Variants in LSMEM1 observed in about 807,000 individuals in gnomAD.
The protein encoded by LSMEM1 is leucine-rich single-pass membrane protein 1.
Under a neutral mutation model 11.3 loss-of-function variants are expected in LSMEM1, and 10 were observed. The observed-to-expected ratio is 0.89, with a 90% CI of 0.55 to 1.50. The LOEUF is 1.50. Ranked by LOEUF, LSMEM1 falls within the 40% of genes most tolerant of loss-of-function variation. LSMEM1 has a pLI of 0.00. For missense variants in LSMEM1, 151 were observed against 152.9 expected (o/e 0.99, Z 0.06); for synonymous variants, 65 against 59.3 (o/e 1.10, Z -0.44).
chr7:112,482,322 T>C (rs1163947358), intron 1 of LSMEM1, among the ~76,000 whole-genome samples: 1 of 152,222 alleles, frequency 6.6e-6, no homozygotes, highest in Non-Finnish European at 1.5e-5. Flanking sequence ...ACCAGTAATA[T>C]GGAGATTTTA....
Position 112,484,963 on chromosome 7 carries a change from C to T in LSMEM1, c.127+20C>T. On this transcript the variant is annotated intron_variant, in intron 2 of 3. Coordinates refer to ENST00000312849, the MANE Select transcript of LSMEM1 (RefSeq NM_182597.3). ...TGTTCCGTATGTGTGCTGGGGAAGG[C>T]ACAGCAGCCCTTCCTAGCTTCTAGG... The T allele has an allele frequency of 6.2e-7, 1 of 1,600,388 alleles. No individual in the cohort carries two copies. The highest frequency in any genetic ancestry group is 1.7e-4 in the Middle Eastern group (1 of 5,958).
At chr7:112,487,176 A>G in intron 3 of LSMEM1, 125 bp downstream of exon 3, 1 of 1,114,102 alleles carries the variant, frequency 9.0e-7, no homozygotes, top group Non-Finnish European at 1.3e-6. Flanking sequence ...TTACATTGAA[A>G]AAAGAAGGAA....
rs1796205113 is a variant in LSMEM1, at chr7:112,489,886, A to G, written c.333A>G (p.Arg111=). 1 of 1,614,020 alleles carries G rather than the reference A, an allele frequency of 6.2e-7. No homozygotes were observed. Among genetic ancestry groups the G allele is most frequent in the African/African-American group, 1.3e-5 (1 of 74,920 alleles). The change falls in exon 4 of 4, where the codon AGA becomes AGG. Residue 111 remains arginine, a synonymous_variant. Transcript: ENST00000312849. ...AEGKDIDDLK[R]INNMIVKRLN... is the part of the protein sequence containing the mutation. ...GAAAAGACATAGATGATCTTAAGAG[A>G]ATCAATAACATGATCGTAAAGCGAC...
intron 2 of LSMEM1, 23 bp from the exon 3 acceptor site, chr7:112,486,900 G>GT: frequency 6.2e-7 from 1 of 1,613,406 alleles, no homozygotes; most frequent in Non-Finnish European, 8.5e-7. Context: ...TTTTGTCCTT[G>GT]TTTTTTGTTT....
Position 112,486,981 on chromosome 7 carries a change from GT to G in LSMEM1, c.192del (p.Phe64LeufsTer5), listed in dbSNP as rs1796143186. The G allele has an allele frequency of 1.9e-6, 3 of 1,614,166 alleles. No individual in the cohort carries two copies. In the East Asian group the frequency reaches 6.7e-5, roughly 36 times the overall value. On this transcript the variant is annotated frameshift_variant, in exon 3 of 4. Transcript: ENST00000312849. LOFTEE classifies it high-confidence loss of function. The part of the protein sequence containing the change: ...TNSGNGSRSL[F>X]FVGLLIVLIV... ...ACTCAGGAAATGGAAGCCGGAGTCT[GT>G]TTTTTGTGGGGCTGCTAATTGTGCT...
rs990113511 is a variant in LSMEM1, at chr7:112,489,682, G to A, written c.257-128G>A. On this transcript the variant is annotated intron_variant, in intron 3 of 3. Transcript: ENST00000312849. ...TCTCTACTGGGCTTCTGGCATGCAT[G>A]GATATGGGAACAGGGGATTTGCCAA... 4 of 1,040,174 alleles carry A rather than the reference G, an allele frequency of 3.8e-6. No homozygotes were observed. The African/African-American group carries it at 6.5e-5, about 17-fold the overall frequency. 64.4% of individuals were successfully genotyped at this position (1,040,174 alleles called of 1,614,324 possible).
intron 1 of LSMEM1, among the ~76,000 whole-genome samples, chr7:112,482,252 A>G (rs2117358954): frequency 6.6e-6 from 1 of 152,372 alleles, no homozygotes; most frequent in South Asian, 2.1e-4. Context: ...AAAGCACGTC[A>G]TGGCTCACTA....
At chr7:112,487,733 G>T (rs1408114721) in intron 3 of LSMEM1, among the ~76,000 whole-genome samples, 3 of 152,240 alleles carry the variant, frequency 2.0e-5, no homozygotes, top group Non-Finnish European at 2.9e-5. Flanking sequence ...TGTGGGAGGG[G>T]TGCTGTCCAC....
At chr7:112,483,431 A>C (rs978624916) in intron 1 of LSMEM1, 1 of 152,332 alleles carries the variant, frequency 6.6e-6, no homozygotes, top group African/African-American at 2.4e-5. Context: ...ATCTTAACAT[A>C]AGTCACCAAC....
chr7:112,486,877 T>C, intron 2 of LSMEM1, 46 bp from the exon 3 acceptor site: 1 of 1,612,122 alleles, frequency 6.2e-7, no homozygotes, highest in Non-Finnish European at 8.5e-7. Flanking sequence ...TGACAAGTTG[T>C]ATGCTGAGCA....
At chr7:112,486,865 G>A in intron 2 of LSMEM1, 58 bp from the exon 3 acceptor site, 1 of 1,607,926 alleles carries the variant, frequency 6.2e-7, no homozygotes, top group Non-Finnish European at 8.5e-7. Context: ...GTTCAGTTCT[G>A]CTGACAAGTT....
intron 3 of LSMEM1, among the ~76,000 whole-genome samples, chr7:112,487,769 G>A (rs1796162968): frequency 6.6e-6 from 1 of 152,202 alleles, no homozygotes; most frequent in African/African-American, 2.4e-5. Context: ...CCCGTTCTGA[G>A]CGTTGCCTCT....
chr7:112,487,588 T>A (rs1796158057), intron 3 of LSMEM1, among the ~76,000 whole-genome samples: 1 of 152,244 alleles, frequency 6.6e-6, no homozygotes, highest in South Asian at 2.1e-4. Context: ...CTACTCCTAA[T>A]ATAACCTGCT....
Position 112,490,740 on chromosome 7 carries a change from GA to G in LSMEM1, c.*794del, listed in dbSNP as rs1321907750. The G allele has an allele frequency of 6.6e-6, 1 of 152,196 alleles. No individual in the cohort carries two copies. The highest frequency in any genetic ancestry group is 1.5e-5 in the Non-Finnish European group (1 of 68,036). The allele number at this position is 152,196 out of a possible 1,614,324, so 9.4% of individuals were successfully genotyped here. The stretch of plus-strand genomic sequence containing the variant: ...TGGCACCCTGCTGATTGATTTGGAA[GA>G]AATCTGATAGATTTGTGGCCTTTCC... On this transcript the variant is annotated 3_prime_UTR_variant, in exon 4 of 4. Coordinates refer to ENST00000312849, the MANE Select transcript of LSMEM1 (RefSeq NM_182597.3).
At chr7:112,489,783 T>A in intron 3 of LSMEM1, 27 bp from the exon 4 acceptor site, 1 of 1,602,194 alleles carries the variant, frequency 6.2e-7, no homozygotes, top group Non-Finnish European at 8.5e-7. Flanking sequence ...GAAACCAATG[T>A]AACACAGTCT....
In LSMEM1 at chr7:112,490,086, C is replaced by G. The variant is rs1226946291; in HGVS notation, c.*137C>G. The G allele has an allele frequency of 2.2e-6, 2 of 924,244 alleles. No homozygotes were observed. The highest frequency in any genetic ancestry group is 1.7e-5 in the African/African-American group (1 of 60,510). The allele number at this position is 924,244 out of a possible 1,614,324, so 57.3% of individuals were successfully genotyped here. On this transcript the variant is annotated 3_prime_UTR_variant, in exon 4 of 4. Transcript: ENST00000312849. Reference sequence around the variant, plus strand: ...TCAGGCAACCCACCCCTGGGGCCCACTTTCTGCAGCAAGATGGGAGCAATT... The same window carrying G: ...TCAGGCAACCCACCCCTGGGGCCCAGTTTCTGCAGCAAGATGGGAGCAATT...
chr7:112,485,889 C>A (rs1412410060), intron 2 of LSMEM1, among the ~76,000 whole-genome samples: 1 of 151,336 alleles, frequency 6.6e-6, no homozygotes, highest in Admixed American at 6.6e-5. Context: ...TCCACTACCC[C>A]AGGTTTCTGC....
rs536399036 is a variant in LSMEM1, at chr7:112,483,061, A to C, written c.-6+1715A>C. 4.6e-4 allele frequency among the ~76,000 whole-genome samples: 70 copies of C among 151,842 alleles called. 1 individual carries two copies. Among genetic ancestry groups the C allele is most frequent in the African/African-American group, 1.6e-3 (68 of 41,432 alleles). On this transcript the variant is annotated intron_variant, in intron 1 of 3. Transcript: ENST00000312849. ...GGTATTACTGGGAAATTGTTTTTTT[A>C]ATATTTTAGACTAAGTTTAAATTGC...
chr7:112,484,332 C>CT (rs1392452601), intron 1 of LSMEM1, among the ~76,000 whole-genome samples: 4 of 152,196 alleles, frequency 2.6e-5, no homozygotes, highest in African/African-American at 9.7e-5. Flanking sequence ...GTAATATTCT[C>CT]TTTTTTCAGA....
Sources: allele counts gnomAD v4.1 joint callset (sites outside exome capture counted in the v4.1 genomes callset), GRCh38; gene constraint gnomAD v4.1.1; transcripts MANE v1.5; gene names NCBI Gene and HGNC (gene_info 2026-07-23, HGNC 2026-07-21).